The following BCAS3 variants were observed in gnomAD, a reference collection of about 807,000 sequenced individuals.
BCAS3 encodes BCAS4/BCAS3 fusion.
A neutral mutation model predicts 116.1 loss-of-function variants in BCAS3; 53 were observed. That is an observed-to-expected ratio of 0.46 (90% CI 0.37 to 0.57). The LOEUF (loss-of-function observed/expected upper bound fraction) is 0.57, where lower values mean the gene tolerates loss of function less well. BCAS3 is among the 20% of genes least tolerant of loss of function. The pLI is 0.00. For synonymous variants in BCAS3, 391 were observed against 408.2 expected (o/e 0.96, Z 0.51); for missense variants, 917 against 1,165.4 (o/e 0.79, Z 3.10).
chr17:61,058,349 A>C (rs540500024), intron 19 of BCAS3, among the ~76,000 whole-genome samples: 1 of 152,246 alleles, frequency 6.6e-6, no homozygotes, highest in African/African-American at 2.4e-5. Context: ...TGTCTTTTAT[A>C]CTACGCTTTC....
chr17:60,828,427 A>G (rs756927071), intron 7 of BCAS3, among the ~76,000 whole-genome samples: 2 of 152,238 alleles, frequency 1.3e-5, no homozygotes, highest in African/African-American at 4.8e-5. Flanking sequence ...ATACAGTGAT[A>G]TGTTACTTTG....
intron 5 of BCAS3, among the ~76,000 whole-genome samples, chr17:60,722,738 T>TGACA (rs1312135631): frequency 1.4e-5 from 2 of 142,946 alleles, no homozygotes; most frequent in Non-Finnish European, 3.0e-5. Context: ...TCCAGCCTGG[T>TGACA]GACAGAGCGA....
chr17:61,257,420 C>CAAA lies in BCAS3; in HGVS notation c.2426-110886_2426-110884dup, dbSNP rs35124459. ...TGGGAGACAGAGCGAGACTCCATCT[C>CAAA]AAAAAAAAAAAAAAAAAAAAAAAGG... On this transcript the variant is annotated intron_variant, in intron 22 of 23. Coordinates refer to ENST00000407086, the MANE Select transcript of BCAS3 (RefSeq NM_017679.5). 1.0e-3 allele frequency among the ~76,000 whole-genome samples: 59 copies of CAAA among 57,116 alleles called. 2 individuals are homozygous for CAAA. The highest frequency in any genetic ancestry group is 2.3e-3 in the African/African-American group (32 of 13,902). The allele number at this position is 57,116 out of a possible 152,430, so 37.5% of individuals were successfully genotyped here.
intron 19 of BCAS3, among the ~76,000 whole-genome samples, chr17:61,059,347 T>C (rs1364480694): frequency 6.6e-6 from 1 of 151,916 alleles, no homozygotes; most frequent in Non-Finnish European, 1.5e-5. Flanking sequence ...CTCCCAAAGT[T>C]CTGGGATTAC....
rs969773598 is a variant in BCAS3, at chr17:60,739,034, A to G, written c.322-8164A>G. The stretch of plus-strand genomic sequence containing the variant: ...TTTCTTAGCATATCATTTTTACTAC[A>G]TTTTAAACTTCTTTTAGTGATTGTC... On this transcript the variant is annotated intron_variant, in intron 5 of 23. Coordinates refer to ENST00000407086, the MANE Select transcript of BCAS3 (RefSeq NM_017679.5). Among the ~76,000 whole-genome samples the G allele has an allele frequency of 5.3e-5, 8 of 151,858 alleles. No individual in the cohort carries two copies. The South Asian group carries it at 1.7e-3, about 32-fold the overall frequency.
chr17:61,230,940 G>C (rs1214901587), intron 22 of BCAS3, among the ~76,000 whole-genome samples: 1 of 148,472 alleles, frequency 6.7e-6, no homozygotes, highest in Non-Finnish European at 1.5e-5. Flanking sequence ...CTGCAGCCTC[G>C]CCAGCAGCTA....
rs2074089568 is a variant in BCAS3 at position 61,098,033 on chromosome 17, G to T, written c.2425+13469G>T. Among the ~76,000 whole-genome samples the T allele has an allele frequency of 6.6e-6, 1 of 152,188 alleles. No individual in the cohort carries two copies. Among genetic ancestry groups the T allele is most frequent in the Non-Finnish European group, 1.5e-5 (1 of 68,022 alleles). ...TATTGCTTTAGGCAACAACTGACAG[G>T]CCTGACTGGTCATTGGCTTTCCATT... On this transcript the variant is annotated intron_variant, in intron 22 of 23. Transcript: ENST00000407086. This position sits in a 1 kb window ranked among gnomAD's most constrained non-coding sequence, Gnocchi z 4.2.
chr17:61,090,935 G>A (rs957294030), intron 22 of BCAS3, among the ~76,000 whole-genome samples: 6 of 152,162 alleles, frequency 3.9e-5, no homozygotes, highest in East Asian at 1.9e-4. Flanking sequence ...GATTACAGGC[G>A]TGAGCCACCG....
chr17:61,322,826 G>C (rs868327706), intron 22 of BCAS3, among the ~76,000 whole-genome samples: 2,425 of 103,932 alleles, frequency 0.023, 37 homozygotes, highest in Admixed American at 0.042. Flanking sequence ...GAGAGAGAGA[G>C]AGACAGAGAG....
In BCAS3 at chr17:60,773,945, C is replaced by A. The variant is rs566371807; in HGVS notation, c.403+26666C>A. 2.0e-5 allele frequency among the ~76,000 whole-genome samples: 3 copies of A among 152,314 alleles called. No individual in the cohort carries two copies. The East Asian group carries it at 5.8e-4, about 29-fold the overall frequency. On this transcript the variant is annotated intron_variant, in intron 6 of 23. Coordinates refer to ENST00000407086, the MANE Select transcript of BCAS3 (RefSeq NM_017679.5). ...TACAGGTGTGAGCCACTTTGCCCGG[C>A]CTTACTGTTATGTTCGTTGTGTGTT... is the stretch of plus-strand genomic sequence containing the variant.
intron 10 of BCAS3, among the ~76,000 whole-genome samples, chr17:60,894,209 T>C (rs768971557): frequency 1.1e-4 from 16 of 152,282 alleles, no homozygotes; most frequent in Middle Eastern, 3.4e-3. Flanking sequence ...TTTCAGTTCA[T>C]GAGCTTGGGA....
At chr17:60,872,014 T>C (rs535188593) in intron 8 of BCAS3, among the ~76,000 whole-genome samples, 1 of 152,238 alleles carries the variant, frequency 6.6e-6, no homozygotes, top group Admixed American at 6.5e-5. Context: ...TGAACCATCC[T>C]TTGTTAATAG....
intron 9 of BCAS3, among the ~76,000 whole-genome samples, chr17:60,875,503 ATAATT>A (rs912515246): frequency 1.3e-5 from 2 of 152,106 alleles, no homozygotes; most frequent in African/African-American, 4.8e-5. Flanking sequence ...CAATTTTACT[ATAATT>A]TCTCAATTTA....
intron 22 of BCAS3, among the ~76,000 whole-genome samples, chr17:61,154,468 C>T (rs989758573): frequency 6.6e-6 from 1 of 151,338 alleles, no homozygotes; most frequent in Non-Finnish European, 1.5e-5. Flanking sequence ...CAGGGTCTCC[C>T]TCTGTTGCCC....
chr17:60,704,700 TG>T (rs556558667), intron 4 of BCAS3, among the ~76,000 whole-genome samples: 75 of 151,946 alleles, frequency 4.9e-4, no homozygotes, highest in Admixed American at 4.6e-4. Flanking sequence ...TAGCCGGGCA[TG>T]GTGGTGCGTG....
In BCAS3 at chr17:61,019,238, ATTG is replaced by A; in HGVS notation, c.1637+3342_1637+3344del. Among the ~76,000 whole-genome samples, 1 of 152,250 alleles carries A rather than the reference ATTG, an allele frequency of 6.6e-6. No individual in the cohort carries two copies. Among genetic ancestry groups the A allele is most frequent in the African/African-American group, 2.4e-5 (1 of 41,576 alleles). On this transcript the variant is annotated intron_variant, in intron 16 of 23. Coordinates refer to ENST00000407086, the MANE Select transcript of BCAS3 (RefSeq NM_017679.5). This position sits in a 1 kb window ranked among gnomAD's most constrained non-coding sequence, Gnocchi z 5.6. ...GATTCTCGTTAAGAGTGCAAACCCT[ATTG>A]TTGTGAACTACACATGTGAGGGACC...
Position 61,258,812 on chromosome 17 carries a change from G to A in BCAS3, c.2426-109515G>A, listed in dbSNP as rs2048982771. On this transcript the variant is annotated intron_variant, in intron 22 of 23. Coordinates refer to ENST00000407086, the MANE Select transcript of BCAS3 (RefSeq NM_017679.5). The surrounding 1 kb of genome is among the most constrained non-coding windows in gnomAD (Gnocchi z 4.7). ...AACCACAGAACACTAGCTAAATATTGACAACTGACTATGCCGTCTTATTCC... is the reference window on the plus strand; with the variant it reads ...AACCACAGAACACTAGCTAAATATTAACAACTGACTATGCCGTCTTATTCC... 6.6e-6 allele frequency among the ~76,000 whole-genome samples: 1 copy of A among 152,208 alleles called. No homozygotes were observed. The highest frequency in any genetic ancestry group is 1.5e-5 in the Non-Finnish European group (1 of 68,024).
intron 6 of BCAS3, among the ~76,000 whole-genome samples, chr17:60,798,136 T>G (rs2047383786): frequency 6.6e-6 from 1 of 152,210 alleles, no homozygotes; most frequent in African/African-American, 2.4e-5. Flanking sequence ...AGTGGTACAT[T>G]TGTTACAAGT....
At chr17:61,060,878 G>A (rs2069949423) in intron 19 of BCAS3, among the ~76,000 whole-genome samples, 1 of 152,116 alleles carries the variant, frequency 6.6e-6, no homozygotes, top group African/African-American at 2.4e-5. Context: ...CGTAAAACAG[G>A]TGAGGCAGGG....
Sources: gnomAD v4.1 joint callset for allele counts (sites outside exome capture counted in the v4.1 genomes callset) on GRCh38, gnomAD v4.1.1 for gene constraint, Gnocchi (gnomAD v3.1) non-coding constraint, MANE v1.5 for transcripts, NCBI Gene and HGNC (gene_info 2026-07-23, HGNC 2026-07-21) for gene names.